The following TM7SF2 variants were observed in gnomAD, a reference collection of about 807,000 sequenced individuals.
The protein encoded by TM7SF2 is transmembrane 7 superfamily member 2, also known as delta(14)-sterol reductase TM7SF2.
Under a neutral mutation model 51.0 loss-of-function variants are expected in TM7SF2, and 51 were observed. The ratio of observed to expected loss-of-function variants is 1.00; its 90% CI spans 0.80 to 1.26. The LOEUF is 1.26. Among genes scored for constraint, TM7SF2 ranks in the 50% most tolerant of loss-of-function variants. The probability of loss-of-function intolerance (pLI) is 0.00; values close to 1 mark genes in which losing one functional copy is unlikely to be tolerated. For missense variants in TM7SF2, 541 were observed against 547.4 expected, an observed-to-expected ratio of 0.99 and a Z score of 0.12; for synonymous variants, 255 against 241.0, an observed-to-expected ratio of 1.06 and a Z score of -0.54.
chr11:65,112,643 C>T lies in TM7SF2; in HGVS notation c.181C>T (p.Arg61Trp), dbSNP rs1179972352. Residue 61 changes from arginine to tryptophan, a missense_variant, in exon 2 of 10, where the codon CGG becomes TGG. Physicochemically the swap from Arg to Trp is moderately radical, Grantham distance 101. Coordinates refer to ENST00000279263, the MANE Select transcript of TM7SF2 (RefSeq NM_003273.6). ...GGGGCTGGAGGTGCTGTGGAGCCCA[C>T]GGGCGCTGCTGCTGTGGCTCGCCTG... ...LPGLEVLWSP[R>W]ALLLWLAWLG... 1 of 1,536,284 alleles carries T rather than the reference C, an allele frequency of 6.5e-7. No homozygotes were observed. Among genetic ancestry groups the T allele is most frequent in the South Asian group, 1.2e-5 (1 of 82,988 alleles).
In TM7SF2 at chr11:65,113,613, A is replaced by C; in HGVS notation, c.603+19A>C. ...CGGCTGGGTATGTTGGGCTTGACTG[A>C]GCTGGCCTCAGGCCAGGGGGAGGGT... On this transcript the variant is annotated intron_variant, in intron 5 of 9. Transcript: ENST00000279263. 1.9e-6 allele frequency: 3 copies of C among 1,602,586 alleles called. No homozygotes were observed. The highest frequency in any genetic ancestry group is 2.6e-6 in the Non-Finnish European group (3 of 1,170,912).
chr11:65,112,571 G>A lies in TM7SF2; in HGVS notation c.109G>A (p.Ala37Thr). 3 of 1,522,970 alleles carry A rather than the reference G, an allele frequency of 2.0e-6. No individual in the cohort carries two copies. The highest frequency in any genetic ancestry group is 2.7e-5 in the East Asian group (1 of 37,572). 94.3% of individuals were successfully genotyped at this position (1,522,970 alleles called of 1,614,324 possible). ...PATMFHLLLA[A>T]RSGPARLLGP... ...CACCATGTTCCACCTGCTCCTGGCGGCCCGTTCGGGCCCCGCGCGCCTGCT... is the reference window on the plus strand; with the variant it reads ...CACCATGTTCCACCTGCTCCTGGCGACCCGTTCGGGCCCCGCGCGCCTGCT... Residue 37 changes from alanine to threonine, a missense_variant, in exon 2 of 10, where the codon GCC becomes ACC. Transcript: ENST00000279263.
At position 65,116,000 on chromosome 11, in the gene TM7SF2, T is replaced by C. The variant is rs1947978530; in HGVS notation, c.1204T>C (p.Trp402Arg). Residue 402 changes from tryptophan (W) to arginine (R), a missense_variant, in exon 10 of 10, where the codon TGG becomes CGG. By Grantham distance (101) the Trp-to-Arg change is moderately radical (BLOSUM62 -3). Transcript: ENST00000279263. ...GTGCCTGCAGAAGTACGGCCTGGCC[T>C]GGCAGGAGTACTGCCGGCGTGTGCC... ...RQCLQKYGLAWQEYCRRVPYR... is the reference protein window; with the variant it reads ...RQCLQKYGLARQEYCRRVPYR... 1 of 1,612,854 alleles carries C rather than the reference T, an allele frequency of 6.2e-7. No individual in the cohort carries two copies. Among genetic ancestry groups the C allele is most frequent in the East Asian group, 2.2e-5 (1 of 44,888 alleles).
In TM7SF2 at chr11:65,112,716, G is replaced by T. The variant is rs1947924531; in HGVS notation, c.249+5G>T. 1 of 1,547,398 alleles carries T rather than the reference G, an allele frequency of 6.5e-7. No homozygotes were observed. Among genetic ancestry groups the T allele is most frequent in the Non-Finnish European group, 8.7e-7 (1 of 1,146,158 alleles). On this transcript the variant is annotated splice_donor_5th_base_variant and intron_variant, in intron 2 of 9. Coordinates refer to ENST00000279263, the MANE Select transcript of TM7SF2 (RefSeq NM_003273.6). ...TACCTACTGCCGGCGCGCAAGGTGCGGGCCCCGCTCGCGGACGCTCGGGGG... is the reference window on the plus strand; with the variant it reads ...TACCTACTGCCGGCGCGCAAGGTGCTGGCCCCGCTCGCGGACGCTCGGGGG...
rs577460506 is a variant in TM7SF2, at chr11:65,113,186, G to A, written c.305-34G>A. The A allele has an allele frequency of 4.6e-6, 7 of 1,528,538 alleles. No individual in the cohort carries two copies. In the African/African-American group the frequency reaches 8.2e-5, roughly 18 times the overall value. 94.7% of individuals were successfully genotyped at this position (1,528,538 alleles called of 1,614,324 possible). A position where few individuals can be genotyped will look rare whatever the true frequency, so the allele number is the denominator to read the frequency against. On this transcript the variant is annotated intron_variant, in intron 3 of 9. Transcript: ENST00000279263. ...TTGCGGGGTGGGGATGTGGAGGCGC[G>A]CAGCCCCAGGGCTCACTGTGCGCTG...
intron 1 of TM7SF2, 60 bp from the exon 2 acceptor site, chr11:65,112,455 G>T: frequency 6.9e-7 from 1 of 1,445,012 alleles, no homozygotes; most frequent in Admixed American, 2.7e-5. Context: ...GCGCCCGTGC[G>T]GGCCGGCGGG....
At position 65,111,878 on chromosome 11, in the gene TM7SF2, G is replaced by T; in HGVS notation, c.-138G>T. 3.7e-6 allele frequency: 4 copies of T among 1,082,966 alleles called. No individual in the cohort carries two copies. Among genetic ancestry groups the T allele is most frequent in the Non-Finnish European group, 5.5e-6 (4 of 729,482 alleles). The allele number at this position is 1,082,966 out of a possible 1,614,324, so 67.1% of individuals were successfully genotyped here. A position where few individuals can be genotyped will look rare whatever the true frequency, so the allele number is the denominator to read the frequency against. On this transcript the variant is annotated 5_prime_UTR_variant, in exon 1 of 10. Coordinates refer to ENST00000279263, the MANE Select transcript of TM7SF2 (RefSeq NM_003273.6). ...TGGGACGAGAGCGGTCCTTGTCTGCGTTCCGTGTCCAGGCAGGTGCAGGCG... is the reference window on the plus strand; with the variant it reads ...TGGGACGAGAGCGGTCCTTGTCTGCTTTCCGTGTCCAGGCAGGTGCAGGCG...
intron 3 of TM7SF2, 174 bp downstream of exon 3, chr11:65,113,039 C>T (rs1323705914): frequency 2.9e-6 from 3 of 1,038,360 alleles, no homozygotes; most frequent in African/African-American, 1.6e-5. Flanking sequence ...ACAGCCTTAC[C>T]CCATTTACTG....
Position 65,114,767 on chromosome 11 carries a change from T to G in TM7SF2, c.658T>G (p.Ser220Ala). The G allele has an allele frequency of 6.2e-7, 1 of 1,614,252 alleles. No homozygotes were observed. The highest frequency in any genetic ancestry group is 8.5e-7 in the Non-Finnish European group (1 of 1,180,042). ...GGAGGCAGAGCTTCGAGGCAGTCCC[T>G]CACTGGCCATGTGGCTGGTCAATGG... Reference protein sequence around the residue: ...MKEAELRGSPSLAMWLVNGFQ... With the variant: ...MKEAELRGSPALAMWLVNGFQ... Residue 220 changes from serine (S) to alanine (A), a missense_variant, in exon 6 of 10, where the codon TCA becomes GCA. Ser to Ala is a moderately conservative substitution (Grantham distance 99, BLOSUM62 1). Coordinates refer to ENST00000279263, the MANE Select transcript of TM7SF2 (RefSeq NM_003273.6).
chr11:65,114,606 C>T (rs1350975561), intron 5 of TM7SF2, 107 bp from the exon 6 acceptor site: 4 of 1,391,516 alleles, frequency 2.9e-6, no homozygotes, highest in Admixed American at 2.3e-5. Context: ...CCTGGATCCA[C>T]TTAAGAGCTG....
chr11:65,112,908 G>A, intron 3 of TM7SF2, 43 bp downstream of exon 3: 1 of 1,548,156 alleles, frequency 6.5e-7, no homozygotes, highest in Non-Finnish European at 8.7e-7. Context: ...AAGCGGCCGG[G>A]GGTGGAGCTC....
At chr11:65,114,630 A>G (rs1947951889) in intron 5 of TM7SF2, 83 bp from the exon 6 acceptor site, 2 of 1,501,898 alleles carry the variant, frequency 1.3e-6, no homozygotes, top group Non-Finnish European at 1.8e-6. Context: ...TGTAACTGAC[A>G]GTTGAGAAGG....
Position 65,111,977 on chromosome 11 carries a change from C to T in TM7SF2, c.-39C>T, listed in dbSNP as rs1454746096. 1.9e-6 allele frequency: 3 copies of T among 1,561,348 alleles called. No homozygotes were observed. The highest frequency in any genetic ancestry group is 2.6e-6 in the Non-Finnish European group (3 of 1,151,634). On this transcript the variant is annotated 5_prime_UTR_variant, in exon 1 of 10. Transcript: ENST00000279263. ...GGGCGGACAGTGTTTCCTTGACTGA[C>T]TATTGTGAGCGCCCTCTCTCTCCGG...
chr11:65,113,731 C>G (rs767384264), intron 5 of TM7SF2, 137 bp downstream of exon 5: 21 of 768,992 alleles, frequency 2.7e-5, no homozygotes, highest in Non-Finnish European at 4.5e-5. Context: ...TTTGTTCAAT[C>G]CACCTGTGCC....
chr11:65,112,725 T>A lies in TM7SF2; in HGVS notation c.249+14T>A. On this transcript the variant is annotated intron_variant, in intron 2 of 9. Transcript: ENST00000279263. Reference sequence around the variant, plus strand: ...CCGGCGCGCAAGGTGCGGGCCCCGCTCGCGGACGCTCGGGGGAGGGAAGCG... The same window carrying A: ...CCGGCGCGCAAGGTGCGGGCCCCGCACGCGGACGCTCGGGGGAGGGAAGCG... 3.9e-6 allele frequency: 6 copies of A among 1,547,616 alleles called. No homozygotes were observed. Among genetic ancestry groups the A allele is most frequent in the Non-Finnish European group, 5.2e-6 (6 of 1,146,186 alleles).
intron 9 of TM7SF2, 88 bp downstream of exon 9, chr11:65,115,686 A>T (rs1947971362): frequency 6.2e-7 from 1 of 1,606,884 alleles, no homozygotes; most frequent in African/African-American, 1.3e-5. Flanking sequence ...GGTATGCACC[A>T]GTGAGAGTAG....
chr11:65,112,185 G>A, intron 1 of TM7SF2, 118 bp downstream of exon 1: 1 of 1,077,006 alleles, frequency 9.3e-7, no homozygotes, highest in Non-Finnish European at 1.3e-6. Flanking sequence ...GTCGGAGGCA[G>A]AGGGACCCGG....
rs377534768 is a variant in TM7SF2, at chr11:65,116,019, G to C, written c.1223G>C (p.Arg408Pro). Reference protein sequence around the residue: ...YGLAWQEYCRRVPYRIMPYIY With the variant: ...YGLAWQEYCRPVPYRIMPYIY ...CTGGCCTGGCAGGAGTACTGCCGGCGTGTGCCTTACCGCATCATGCCCTAC... is the reference window on the plus strand; with the variant it reads ...CTGGCCTGGCAGGAGTACTGCCGGCCTGTGCCTTACCGCATCATGCCCTAC... Residue 408 changes from arginine (R) to proline (P), a missense_variant, in exon 10 of 10, where the codon CGT becomes CCT. By Grantham distance (103) the Arg-to-Pro change is moderately radical. Coordinates refer to ENST00000279263, the MANE Select transcript of TM7SF2 (RefSeq NM_003273.6). The C allele has an allele frequency of 6.2e-7, 1 of 1,610,940 alleles. No homozygotes were observed. The highest frequency in any genetic ancestry group is 8.5e-7 in the Non-Finnish European group (1 of 1,179,976).
In TM7SF2 at chr11:65,112,581, GC is replaced by G; in HGVS notation, c.123del (p.Ala42ArgfsTer49). 2 of 1,519,926 alleles carry G rather than the reference GC, an allele frequency of 1.3e-6. No individual in the cohort carries two copies. Among genetic ancestry groups the G allele is most frequent in the African/African-American group, 1.4e-5 (1 of 69,272 alleles). 94.2% of individuals were successfully genotyped at this position (1,519,926 alleles called of 1,614,324 possible). A position where few individuals can be genotyped will look rare whatever the true frequency, so the allele number is the denominator to read the frequency against. On this transcript the variant is annotated frameshift_variant, in exon 2 of 10. Transcript: ENST00000279263. LOFTEE classifies it high-confidence loss of function. ...MFHLLLAARS[G>X]PARLLGPPAS... ...CACCTGCTCCTGGCGGCCCGTTCGG[GC>G]CCCGCGCGCCTGCTGGGTCCACCCG...
Sources: allele counts gnomAD v4.1 joint callset, GRCh38; gene constraint gnomAD v4.1.1; transcripts MANE v1.5; gene names NCBI Gene and HGNC (gene_info 2026-07-23, HGNC 2026-07-21).